Variants in TXNDC9 observed in about 807,000 individuals in gnomAD.
The protein encoded by TXNDC9 is thioredoxin domain-containing protein 9.
In TXNDC9, 7 loss-of-function variants were observed where a neutral mutation model predicts 23.0. The ratio of observed to expected loss-of-function variants is 0.30; its 90% CI spans 0.17 to 0.57. The LOEUF (loss-of-function observed/expected upper bound fraction) is 0.57. Among genes scored for constraint, TXNDC9 ranks in the 20% least tolerant of loss-of-function variants. TXNDC9 has a pLI of 0.90. For synonymous variants in TXNDC9, 72 were observed against 90.6 expected (o/e 0.79, Z 1.17); for missense variants, 198 against 252.6 (o/e 0.78, Z 1.47).
At chr2:99,334,744 G>T (rs1346159509) in intron 1 of TXNDC9, among the ~76,000 whole-genome samples, 1 of 151,822 alleles carries the variant, frequency 6.6e-6, no homozygotes, top group African/African-American at 2.4e-5. Context: ...ACGGAGTCTC[G>T]CTCTGTCGCC....
intron 2 of TXNDC9, among the ~76,000 whole-genome samples, chr2:99,328,986 T>TAAATAA (rs2094219139): frequency 6.6e-6 from 1 of 151,830 alleles, no homozygotes; most frequent in Non-Finnish European, 1.5e-5. Context: ...GTCTCAAAAA[T>TAAATAA]AAATAAAAAT....
At chr2:99,327,692 A>G (rs1274517165) in intron 2 of TXNDC9, 39 bp from the exon 3 acceptor site, 2 of 1,285,382 alleles carry the variant, frequency 1.6e-6, no homozygotes, top group African/African-American at 3.0e-5. Flanking sequence ...CATGTGAGAT[A>G]TCTCTTTCAG....
chr2:99,308,503 T>C, the TXNDC9 span, among the ~76,000 whole-genome samples: 1 of 152,162 alleles, frequency 6.6e-6, no homozygotes, highest in Non-Finnish European at 1.5e-5. Flanking sequence ...TACACTGCTA[T>C]TACTATTTTA....
chr2:99,334,931 G>C (rs1050419461), intron 1 of TXNDC9, among the ~76,000 whole-genome samples: 2 of 152,174 alleles, frequency 1.3e-5, no homozygotes, highest in Non-Finnish European at 2.9e-5. Flanking sequence ...AGCCAGGATG[G>C]CTACGATCTC....
rs1045565111 is a variant in TXNDC9 at position 99,319,427 on chromosome 2, C to T, written c.*255G>A. On this transcript the variant is annotated 3_prime_UTR_variant, in exon 5 of 5. Coordinates refer to ENST00000264255, the MANE Select transcript of TXNDC9 (RefSeq NM_005783.4). ...GTAAATGGTATAAAGATGTAAGAAT[C>T]ATATTGTGATAAAGTCAATCTCAAA... 6.2e-6 allele frequency: 2 copies of T among 322,304 alleles called. No homozygotes were observed. The highest frequency in any genetic ancestry group is 4.4e-5 in the African/African-American group (2 of 45,700). The allele number at this position is 322,304 out of a possible 1,614,324, so 20.0% of individuals were successfully genotyped here. A position where few individuals can be genotyped will look rare whatever the true frequency, so the allele number is the denominator to read the frequency against.
rs1304416448 is a variant in TXNDC9, at chr2:99,336,298, T to C, written c.-92A>G. On this transcript the variant is annotated 5_prime_UTR_variant, in exon 1 of 5. Transcript: ENST00000264255. ...CAGCAGTTTCAAAAGACACGTCCACTCCGGCTTTTGCCTTGCAGTAGCTGC... is the reference window on the plus strand; with the variant it reads ...CAGCAGTTTCAAAAGACACGTCCACCCCGGCTTTTGCCTTGCAGTAGCTGC... 5 of 985,230 alleles carry C rather than the reference T, an allele frequency of 5.1e-6. No individual in the cohort carries two copies. The highest frequency in any genetic ancestry group is 4.8e-6 in the Non-Finnish European group (4 of 829,958). The allele number at this position is 985,230 out of a possible 1,614,324, so 61.0% of individuals were successfully genotyped here.
chr2:99,333,091 A>G lies in TXNDC9; in HGVS notation c.120T>C (p.Asp40=), dbSNP rs779899100. ...DSEIQKLDQM[D]EDELERLKEK... Reference sequence around the variant, plus strand: ...CTTTAAGGCGTTCCAATTCATCCTCATCCATCTGATCCAGTTTTTGAATTT... The same window carrying G: ...CTTTAAGGCGTTCCAATTCATCCTCGTCCATCTGATCCAGTTTTTGAATTT... The change falls in exon 2 of 5, where the codon GAT becomes GAC. Residue 40 remains aspartate, a synonymous_variant. Transcript: ENST00000264255. 1.8e-5 allele frequency: 29 copies of G among 1,613,954 alleles called. No homozygotes were observed. The highest frequency in any genetic ancestry group is 1.2e-4 in the African/African-American group (9 of 74,904).
At position 99,333,155 on chromosome 2, in the gene TXNDC9, A is replaced by T; in HGVS notation, c.56T>A (p.Leu19His). 1.2e-6 allele frequency: 2 copies of T among 1,614,192 alleles called. No homozygotes were observed. Among genetic ancestry groups the T allele is most frequent in the South Asian group, 2.2e-5 (2 of 91,088 alleles). ...TTCTTCCACCAGTTTGGTAGTCTGA[A>T]GCAGCTGATGCTCCAGGACTTTGGA... ...MFSKVLEHQL[L>H]QTTKLVEEHL... Residue 19 changes from leucine to histidine, a missense_variant, in exon 2 of 5, where the codon CTT (leucine) becomes CAT (histidine). Leu to His is a moderately conservative substitution (Grantham distance 99). Transcript: ENST00000264255.
At chr2:99,315,821 G>A (rs1462988008), downstream of TXNDC9, among the ~76,000 whole-genome samples, 4 of 152,126 alleles carry the variant, frequency 2.6e-5, no homozygotes, top group African/African-American at 9.7e-5. Flanking sequence ...GTTTATTTCT[G>A]GACTTTTATT....
chr2:99,319,059 G>A lies in TXNDC9; in HGVS notation c.*623C>T, dbSNP rs907275982. On this transcript the variant is annotated 3_prime_UTR_variant, in exon 5 of 5. Transcript: ENST00000264255. ...AGGTATTTTATTGAGCAGAGACAGT[G>A]AAGTTCCTTATGCTGTTATTTCAAA... 7.9e-5 allele frequency: 12 copies of A among 152,212 alleles called. No homozygotes were observed. Among genetic ancestry groups the A allele is most frequent in the African/African-American group, 2.9e-4 (12 of 41,454 alleles). 9.4% of individuals were successfully genotyped at this position (152,212 alleles called of 1,614,324 possible).
intron 1 of TXNDC9, among the ~76,000 whole-genome samples, chr2:99,335,715 A>C (rs915970005): frequency 6.6e-6 from 1 of 152,196 alleles, no homozygotes; most frequent in African/African-American, 2.4e-5. Context: ...AACTTTATAG[A>C]ATGAGCCCAG....
Position 99,333,207 on chromosome 2 carries a change from C to G in TXNDC9, c.4G>C (p.Glu2Gln). 1.2e-6 allele frequency: 2 copies of G among 1,613,702 alleles called. No homozygotes were observed. The highest frequency in any genetic ancestry group is 1.7e-6 in the Non-Finnish European group (2 of 1,179,786). The change falls in exon 2 of 5, where the codon GAA (glutamate) becomes CAA (glutamine). Residue 2 changes from glutamate (E) to glutamine (Q), a missense_variant. Glu to Gln is a conservative substitution (Grantham distance 29). Coordinates refer to ENST00000264255, the MANE Select transcript of TXNDC9 (RefSeq NM_005783.4). The part of the protein sequence containing the change: M[E>Q]ADASVDMFSK... Reference sequence around the variant, plus strand: ...AACATGTCAACAGATGCATCAGCTTCCATTCTTCCAAATGGTACAGAGTTC... The same window carrying G: ...AACATGTCAACAGATGCATCAGCTTGCATTCTTCCAAATGGTACAGAGTTC...
rs1434410017 is a variant in TXNDC9, at chr2:99,325,045, G to A, written c.308+2490C>T. Among the ~76,000 whole-genome samples, 9 of 152,234 alleles carry A rather than the reference G, an allele frequency of 5.9e-5. No homozygotes were observed. The South Asian group carries it at 1.9e-3, about 32-fold the overall frequency. ...AGGCATGAGCCATGGCGCCCAACCCGTCAATCAATTTTTAAAAATCCAAAA... is the reference window on the plus strand; with the variant it reads ...AGGCATGAGCCATGGCGCCCAACCCATCAATCAATTTTTAAAAATCCAAAA... On this transcript the variant is annotated intron_variant, in intron 3 of 4. Coordinates refer to ENST00000264255, the MANE Select transcript of TXNDC9 (RefSeq NM_005783.4).
At chr2:99,335,639 A>G (rs777666575) in intron 1 of TXNDC9, among the ~76,000 whole-genome samples, 8 of 152,212 alleles carry the variant, frequency 5.3e-5, no homozygotes, top group Non-Finnish European at 1.2e-4. Context: ...GGAGAAGATA[A>G]TAAGATACTG....
Position 99,336,290 on chromosome 2 carries a change from A to G in TXNDC9, c.-84T>C, listed in dbSNP as rs565217889. Reference sequence around the variant, plus strand: ...TGAAAGAGCAGCAGTTTCAAAAGACACGTCCACTCCGGCTTTTGCCTTGCA... The same window carrying G: ...TGAAAGAGCAGCAGTTTCAAAAGACGCGTCCACTCCGGCTTTTGCCTTGCA... On this transcript the variant is annotated 5_prime_UTR_variant, in exon 1 of 5. Coordinates refer to ENST00000264255, the MANE Select transcript of TXNDC9 (RefSeq NM_005783.4). 4 of 985,036 alleles carry G rather than the reference A, an allele frequency of 4.1e-6. No homozygotes were observed. The highest frequency in any genetic ancestry group is 1.1e-4 in the East Asian group (1 of 8,770). The allele number at this position is 985,036 out of a possible 1,614,324, so 61.0% of individuals were successfully genotyped here.
At chr2:99,318,464 G>A (rs1413125838), downstream of TXNDC9, among the ~76,000 whole-genome samples, 1 of 152,138 alleles carries the variant, frequency 6.6e-6, no homozygotes, top group African/African-American at 2.4e-5. Flanking sequence ...GTGAGGCACC[G>A]TGCCCGGCCC....
chr2:99,332,027 G>C (rs1001126446), intron 2 of TXNDC9, among the ~76,000 whole-genome samples: 1 of 152,172 alleles, frequency 6.6e-6, no homozygotes, highest in Non-Finnish European at 1.5e-5. Context: ...ACCATGCCCG[G>C]TCAAAACTCC....
downstream of TXNDC9, among the ~76,000 whole-genome samples, chr2:99,314,719 C>A (rs1380907908): frequency 6.7e-6 from 1 of 149,964 alleles, no homozygotes; most frequent in African/African-American, 2.5e-5. Flanking sequence ...TTAGTAGAGA[C>A]GGGGTTTCAC....
intron 4 of TXNDC9, chr2:99,321,716 G>A: frequency 4.4e-6 from 2 of 453,572 alleles, no homozygotes; most frequent in South Asian, 3.4e-5. Flanking sequence ...TTTATAGTCA[G>A]GAGTACGGTG....
Sources: gnomAD v4.1 joint callset for allele counts (sites outside exome capture counted in the v4.1 genomes callset) on GRCh38, gnomAD v4.1.1 for gene constraint, MANE v1.5 for transcripts, NCBI Gene and HGNC (gene_info 2026-07-23, HGNC 2026-07-21) for gene names.